The following UBL3 variants were observed in gnomAD, a reference collection of about 807,000 sequenced individuals.
UBL3 encodes the protein ubiquitin like 3.
Under a neutral mutation model 18.4 loss-of-function variants are expected in UBL3, and 6 were observed. The observed-to-expected ratio is 0.33, with a 90% CI of 0.18 to 0.64. The LOEUF is 0.64. Among genes scored for constraint, UBL3 ranks in the 30% least tolerant of loss-of-function variants. The probability of loss-of-function intolerance (pLI) is 0.76; values close to 1 mark genes in which losing one functional copy is unlikely to be tolerated. For synonymous variants in UBL3, 49 were observed against 46.6 expected, an observed-to-expected ratio of 1.05 and a Z score of -0.21; for missense variants, 109 against 142.9, an observed-to-expected ratio of 0.76 and a Z score of 1.21.
chr13:29,817,650 A>T (rs567627223), intron 1 of UBL3, among the ~76,000 whole-genome samples: 1 of 152,324 alleles, frequency 6.6e-6, no homozygotes, highest in South Asian at 2.1e-4. Flanking sequence ...TAATTTTTTT[A>T]AAATTCCATT....
At chr13:29,802,063 G>A (rs1354149629) in intron 1 of UBL3, among the ~76,000 whole-genome samples, 1 of 152,204 alleles carries the variant, frequency 6.6e-6, no homozygotes, top group African/African-American at 2.4e-5. Context: ...TTTCAGAGCA[G>A]GGAGAGGAAG....
intron 1 of UBL3, among the ~76,000 whole-genome samples, chr13:29,784,423 TCA>T (rs1877254671): frequency 6.6e-6 from 1 of 151,894 alleles, no homozygotes; most frequent in African/African-American, 2.4e-5. Flanking sequence ...TACTCTTACT[TCA>T]CATGCCAGTC....
chr13:29,782,664 T>C (rs1264001655), intron 1 of UBL3, among the ~76,000 whole-genome samples: 2 of 152,114 alleles, frequency 1.3e-5, no homozygotes, highest in Admixed American at 1.3e-4. Context: ...TGAAAGTAGT[T>C]TGGAAGTATA....
At chr13:29,780,247 G>A (rs1000233725) in intron 1 of UBL3, among the ~76,000 whole-genome samples, 6 of 150,142 alleles carry the variant, frequency 4.0e-5, no homozygotes, top group South Asian at 2.1e-4. Flanking sequence ...CCAGCTACTC[G>A]GGAGGCTGAG....
At chr13:29,817,231 A>T (rs1025716008) in intron 1 of UBL3, among the ~76,000 whole-genome samples, 2 of 152,182 alleles carry the variant, frequency 1.3e-5, no homozygotes, top group African/African-American at 2.4e-5. Context: ...TTAGAATCTG[A>T]ATGTCATTTG....
intron 1 of UBL3, among the ~76,000 whole-genome samples, chr13:29,830,998 C>G (rs1191971642): frequency 6.6e-6 from 1 of 152,128 alleles, no homozygotes; most frequent in Non-Finnish European, 1.5e-5. Context: ...TGAGTTTCTC[C>G]CTATATGCCT....
intron 2 of UBL3, among the ~76,000 whole-genome samples, chr13:29,776,901 AT>A (rs1322363192): frequency 4.0e-5 from 5 of 124,866 alleles, no homozygotes; most frequent in East Asian, 4.9e-4. Context: ...AAAAAAAAAA[AT>A]TTTTTTCACT....
chr13:29,777,548 A>T (rs1267169499), intron 1 of UBL3: 20 of 493,822 alleles, frequency 4.1e-5, no homozygotes, highest in Non-Finnish European at 7.4e-5. Context: ...CACTCCAACA[A>T]TGTTCAGAAT....
chr13:29,800,888 A>G (rs1485010510), intron 1 of UBL3, among the ~76,000 whole-genome samples: 2 of 151,944 alleles, frequency 1.3e-5, no homozygotes, highest in African/African-American at 4.8e-5. Flanking sequence ...AAGGCAGCTT[A>G]GTGGCTGGGG....
At chr13:29,826,058 G>A (rs1049150157) in intron 1 of UBL3, among the ~76,000 whole-genome samples, 1 of 152,172 alleles carries the variant, frequency 6.6e-6, no homozygotes, top group African/African-American at 2.4e-5. Context: ...ACTTGATCAT[G>A]GTGGATAAGC....
Position 29,850,417 on chromosome 13 carries a change from C to T in UBL3, c.-879G>A, listed in dbSNP as rs1227377128. ...CCTCCCCTCCCCGGCCTCGCGAGCT[C>T]CGGGCGACGCCGACTTCGGCTGGTC... On this transcript the variant is annotated 5_prime_UTR_variant, in exon 1 of 5. Transcript: ENST00000380680. The T allele has an allele frequency of 6.5e-6, 1 of 153,274 alleles. No homozygotes were observed. Among genetic ancestry groups the T allele is most frequent in the Non-Finnish European group, 1.5e-5 (1 of 68,292 alleles). The allele number at this position is 153,274 out of a possible 1,614,324, so 9.5% of individuals were successfully genotyped here.
intron 1 of UBL3, among the ~76,000 whole-genome samples, chr13:29,831,593 G>GAAAAA (rs375371538): frequency 1.6e-5 from 1 of 61,388 alleles, no homozygotes. Context: ...CGTCTCAAAA[G>GAAAAA]AAAAAAAAAA....
intron 1 of UBL3, among the ~76,000 whole-genome samples, chr13:29,806,251 G>C (rs980333084): frequency 1.3e-5 from 2 of 152,106 alleles, no homozygotes; most frequent in Admixed American, 6.5e-5. Context: ...TTACACACTA[G>C]CATCCAATTA....
intron 1 of UBL3, among the ~76,000 whole-genome samples, chr13:29,829,580 C>CGG (rs373415964): frequency 2.4e-4 from 37 of 152,166 alleles, no homozygotes; most frequent in African/African-American, 8.9e-4. Flanking sequence ...TCCCAGGTGC[C>CGG]ATCTGTCACA....
chr13:29,772,150 T>C lies in UBL3; in HGVS notation c.185A>G (p.Tyr62Cys). 1.2e-6 allele frequency: 2 copies of C among 1,612,182 alleles called. No individual in the cohort carries two copies. Among genetic ancestry groups the C allele is most frequent in the African/African-American group, 1.3e-5 (1 of 74,974 alleles). The stretch of plus-strand genomic sequence containing the variant: ...ATTTCCATGTAGAAATCGTCCTTGA[T>C]AAATAAGTCGTAGAATATTTGGACT... ...VSSPNILRLI[Y>C]QGRFLHGNVT... The change falls in exon 3 of 5, where the codon TAT (tyrosine) becomes TGT (cysteine). Residue 62 changes from tyrosine (Y) to cysteine (C), a missense_variant. Transcript: ENST00000380680.
chr13:29,847,293 G>A (rs1266997663), intron 1 of UBL3, among the ~76,000 whole-genome samples: 1 of 152,158 alleles, frequency 6.6e-6, no homozygotes, highest in African/African-American at 2.4e-5. Context: ...TGTGCTGTAC[G>A]TTAGTACCCA....
At chr13:29,785,438 T>A (rs1034146949) in intron 1 of UBL3, among the ~76,000 whole-genome samples, 1 of 152,216 alleles carries the variant, frequency 6.6e-6, no homozygotes, top group African/African-American at 2.4e-5. Context: ...GAATAGTTTT[T>A]AAAAAATAAC....
intron 1 of UBL3, among the ~76,000 whole-genome samples, chr13:29,824,167 T>C (rs1878554286): frequency 6.6e-6 from 1 of 152,230 alleles, no homozygotes; most frequent in Non-Finnish European, 1.5e-5. Flanking sequence ...GCAATGAACA[T>C]ACATGTGCAT....
intron 1 of UBL3, among the ~76,000 whole-genome samples, chr13:29,844,308 T>G (rs569454504): frequency 1.3e-5 from 2 of 152,308 alleles, no homozygotes; most frequent in East Asian, 3.9e-4. Flanking sequence ...TCATATTTAC[T>G]TCTCAAAATT....
Sources: allele counts gnomAD v4.1 joint callset (sites outside exome capture counted in the v4.1 genomes callset), GRCh38; gene constraint gnomAD v4.1.1; transcripts MANE v1.5; gene names NCBI Gene and HGNC (gene_info 2026-07-23, HGNC 2026-07-21).